CEMIP2: variants seen among roughly 807,000 people sequenced by gnomAD.
CEMIP2 encodes the protein cell surface hyaluronidase CEMIP2.
Under a neutral mutation model 146.9 loss-of-function variants are expected in CEMIP2, and 79 were observed. The observed-to-expected ratio is 0.54, with a 90% CI of 0.45 to 0.65. The LOEUF is 0.65. CEMIP2 is among the 30% of genes least tolerant of loss of function. CEMIP2 has a pLI of 0.00. For missense variants in CEMIP2, 1,596 were observed against 1,696.2 expected (o/e 0.94, Z 1.04); for synonymous variants, 601 against 606.3 (o/e 0.99, Z 0.13).
intron 17 of CEMIP2, among the ~76,000 whole-genome samples, chr9:71,707,653 C>T (rs879696821): frequency 4.6e-5 from 7 of 152,174 alleles, no homozygotes; most frequent in African/African-American, 7.2e-5. Context: ...AGCCCGAAAA[C>T]ACACCTTTGA....
intron 12 of CEMIP2, among the ~76,000 whole-genome samples, 200 bp from the exon 13 acceptor site, chr9:71,718,279 G>T (rs1823127587): frequency 6.6e-6 from 1 of 152,054 alleles, no homozygotes; most frequent in South Asian, 2.1e-4. Flanking sequence ...AGAACCAACT[G>T]CTTTTACATC....
intron 17 of CEMIP2, among the ~76,000 whole-genome samples, chr9:71,705,231 G>C (rs1425920557): frequency 6.6e-6 from 1 of 151,850 alleles, no homozygotes; most frequent in Non-Finnish European, 1.5e-5. Flanking sequence ...ATATATCTTA[G>C]AGCTTTGGCT....
chr9:71,766,455 T>C (rs1186809237), intron 1 of CEMIP2, among the ~76,000 whole-genome samples: 2 of 152,194 alleles, frequency 1.3e-5, no homozygotes, highest in African/African-American at 4.8e-5. Context: ...AGCAGTACCC[T>C]GTCAACTTCA....
chr9:71,728,302 C>CGTATATATATATATAT (rs1554684803), intron 10 of CEMIP2, among the ~76,000 whole-genome samples: 172 of 11,570 alleles, frequency 0.015, 28 homozygotes, highest in South Asian at 0.025. Flanking sequence ...TATATATATA[C>CGTATATATATATATAT]ATATATATAT....
intron 5 of CEMIP2, among the ~76,000 whole-genome samples, chr9:71,739,438 T>C (rs553829581): frequency 1.5e-4 from 21 of 136,456 alleles, no homozygotes; most frequent in Non-Finnish European, 2.5e-4. Context: ...ACCACTAAAC[T>C]CCACTTACAG....
chr9:71,692,211 T>C (rs147015563), intron 21 of CEMIP2, among the ~76,000 whole-genome samples: 2 of 151,062 alleles, frequency 1.3e-5, no homozygotes, highest in South Asian at 2.1e-4. Flanking sequence ...TGGGGATAAA[T>C]ATGACTTTTC....
intron 1 of CEMIP2, among the ~76,000 whole-genome samples, chr9:71,756,100 G>T (rs1005518374): frequency 2.0e-5 from 3 of 149,464 alleles, no homozygotes; most frequent in African/African-American, 7.4e-5. Context: ...TGGTATTCTC[G>T]CAAAAGCTTA....
chr9:71,741,631 GTTTTT>G lies in CEMIP2; in HGVS notation c.1035-1404_1035-1400del, dbSNP rs11334265. Among the ~76,000 whole-genome samples, 3 of 73,166 alleles carry G rather than the reference GTTTTT, an allele frequency of 4.1e-5. No homozygotes were observed. In the South Asian group the frequency reaches 1.6e-3, roughly 40 times the overall value. The allele number at this position is 73,166 out of a possible 152,430, so 48.0% of individuals were successfully genotyped here. A position where few individuals can be genotyped will look rare whatever the true frequency, so the allele number is the denominator to read the frequency against. ...CACCATTATTTCTTTTTCTTTTCTG[GTTTTT>G]TTTTTTTTTTTTTTTTTTTGAGACA... On this transcript the variant is annotated intron_variant, in intron 4 of 23. Transcript: ENST00000377044.
chr9:71,703,963 G>A (rs1442659501), intron 18 of CEMIP2, among the ~76,000 whole-genome samples: 2 of 152,092 alleles, frequency 1.3e-5, no homozygotes, highest in Non-Finnish European at 2.9e-5. Context: ...TTTTCTACCT[G>A]TCTACTCTGA....
chr9:71,711,997 A>G, intron 16 of CEMIP2, 86 bp downstream of exon 16: 1 of 1,457,950 alleles, frequency 6.9e-7, no homozygotes, highest in Non-Finnish European at 9.4e-7. Flanking sequence ...ACTCGGTGCA[A>G]ATCCTTTGCG....
At chr9:71,747,730 C>T (rs1824129528) in intron 2 of CEMIP2, among the ~76,000 whole-genome samples, 1 of 152,062 alleles carries the variant, frequency 6.6e-6, no homozygotes, top group South Asian at 2.1e-4. Context: ...AAAATGATTC[C>T]TCATTTTGAA....
At chr9:71,705,862 T>C (rs1413914671) in intron 17 of CEMIP2, among the ~76,000 whole-genome samples, 1 of 152,026 alleles carries the variant, frequency 6.6e-6, no homozygotes, top group Non-Finnish European at 1.5e-5. Context: ...ATCTGTCCCC[T>C]GCCTTAGTAA....
chr9:71,689,959 G>T, intron 22 of CEMIP2, 133 bp downstream of exon 22: 1 of 1,070,038 alleles, frequency 9.3e-7, no homozygotes, highest in Non-Finnish European at 1.3e-6. Context: ...TGAGGTAGGA[G>T]AGGAATGAAC....
chr9:71,747,714 GA>G (rs781570766), intron 2 of CEMIP2, among the ~76,000 whole-genome samples: 104 of 150,520 alleles, frequency 6.9e-4, no homozygotes, highest in Non-Finnish European at 1.1e-3. Context: ...GTTCTATACA[GA>G]AAAAAAAATG....
intron 17 of CEMIP2, among the ~76,000 whole-genome samples, chr9:71,708,856 C>A (rs1049719936): frequency 6.6e-6 from 1 of 152,150 alleles, no homozygotes; most frequent in African/African-American, 2.4e-5. Context: ...AAGTCAGATT[C>A]TTTCATTAAG....
rs776154738 is a variant in CEMIP2 at position 71,750,355 on chromosome 9, T to G, written c.19A>C (p.Arg7=). The change falls in exon 2 of 24, where the codon AGG becomes CGG. Residue 7 remains arginine (R), a synonymous_variant. Transcript: ENST00000377044. MYATDS[R]GHSPAFLQPQ... Reference sequence around the variant, plus strand: ...TGGAGGAAAGCAGGGGAGTGTCCCCTGGAATCAGTGGCATACATGATACAC... The same window carrying G: ...TGGAGGAAAGCAGGGGAGTGTCCCCGGGAATCAGTGGCATACATGATACAC... 1 of 1,611,754 alleles carries G rather than the reference T, an allele frequency of 6.2e-7. No homozygotes were observed.
At position 71,745,351 on chromosome 9, in the gene CEMIP2, C is replaced by T. The variant is rs777268629; in HGVS notation, c.701G>A (p.Gly234Glu). 1 of 1,613,784 alleles carries T rather than the reference C, an allele frequency of 6.2e-7. No individual in the cohort carries two copies. The highest frequency in any genetic ancestry group is 8.5e-7 in the Non-Finnish European group (1 of 1,179,716). Residue 234 changes from glycine to glutamate, a missense_variant, in exon 4 of 24, where the codon GGG (glycine) becomes GAG (glutamate). Transcript: ENST00000377044. Reference sequence around the variant, plus strand: ...CAACGTCCACGATGCCTTCCGTGCCCCATGTAACTCCAGTGTCCCGCCAGC... The same window carrying T: ...CAACGTCCACGATGCCTTCCGTGCCTCATGTAACTCCAGTGTCCCGCCAGC... The part of the protein sequence containing the change: ...VEAGGTLELH[G>E]ARKASWTLLA...
At chr9:71,712,397 G>A (rs1822932385) in intron 15 of CEMIP2, 137 bp from the exon 16 acceptor site, 2 of 724,420 alleles carry the variant, frequency 2.8e-6, no homozygotes, top group Admixed American at 5.5e-5. Context: ...GCCAAAACAA[G>A]ATACCTGATT....
intron 18 of CEMIP2, among the ~76,000 whole-genome samples, chr9:71,701,984 G>A (rs1212806764): frequency 6.6e-5 from 10 of 152,118 alleles, no homozygotes; most frequent in African/African-American, 1.9e-4. Flanking sequence ...ATAGCCAGGC[G>A]GAGTGGCTCA....
Sources: gnomAD v4.1 joint callset for allele counts (sites outside exome capture counted in the v4.1 genomes callset) on GRCh38, gnomAD v4.1.1 for gene constraint, MANE v1.5 for transcripts, NCBI Gene and HGNC (gene_info 2026-07-23, HGNC 2026-07-21) for gene names.